Variants in TBXT observed in about 807,000 individuals in gnomAD.
TBXT encodes T-box transcription factor T.
A neutral mutation model predicts 41.1 loss-of-function variants in TBXT; 19 were observed. The ratio of observed to expected loss-of-function variants is 0.46; its 90% CI spans 0.32 to 0.68. The LOEUF (loss-of-function observed/expected upper bound fraction) is 0.68, where lower values mean the gene tolerates loss of function less well. Among genes scored for constraint, TBXT ranks in the 30% least tolerant of loss-of-function variants. The probability of loss-of-function intolerance (pLI) is 0.03; values close to 1 mark genes in which losing one functional copy is unlikely to be tolerated. For synonymous variants in TBXT, 213 were observed against 238.9 expected (o/e 0.89, Z 1.00); for missense variants, 536 against 582.0 (o/e 0.92, Z 0.81).
At position 166,164,841 on chromosome 6, in the gene TBXT, C is replaced by T. The variant is rs1032674215; in HGVS notation, c.627G>A (p.Lys209=). The T allele has an allele frequency of 2.5e-6, 4 of 1,612,574 alleles. No homozygotes were observed. The highest frequency in any genetic ancestry group is 3.4e-6 in the Non-Finnish European group (4 of 1,179,926). Residue 209 remains lysine (K), a synonymous_variant, in exon 4 of 8, where the codon AAG becomes AAA. Transcript: ENST00000366876. ...GGAAAGCTTTTGCAAATGGATTGTA[C>T]TTAATTTTAAGAGCTGTGATCTGAA... The part of the protein sequence containing the change: ...QNEEITALKI[K]YNPFAKAFLD...
chr6:166,158,538 G>A lies in TBXT; in HGVS notation c.1088C>T (p.Ser363Phe). 1 of 1,599,330 alleles carries A rather than the reference G, an allele frequency of 6.3e-7. No individual in the cohort carries two copies. Among genetic ancestry groups the A allele is most frequent in the Non-Finnish European group, 8.6e-7 (1 of 1,169,336 alleles). Residue 363 changes from serine (S) to phenylalanine (F), a missense_variant, in exon 8 of 8, where the codon TCC becomes TTC. Coordinates refer to ENST00000366876, the MANE Select transcript of TBXT (RefSeq NM_001366285.2). ...CCCGTTGGACACGGCTGCTGCCTGG[G>A]AGCCCGGGGTGACGGCGCCGTTGCT... ...SVSNGAVTPG[S>F]QAAAVSNGLG...
rs1582965694 is a variant in TBXT at position 166,160,976 on chromosome 6, G to A, written c.908-10C>T. 1.9e-6 allele frequency: 3 copies of A among 1,613,692 alleles called. No individual in the cohort carries two copies. Among genetic ancestry groups the A allele is most frequent in the East Asian group, 4.5e-5 (2 of 44,876 alleles). On this transcript the variant is annotated splice_polypyrimidine_tract_variant and intron_variant, in intron 6 of 7. Coordinates refer to ENST00000366876, the MANE Select transcript of TBXT (RefSeq NM_001366285.2). ...GAGTTGTCAGAATAGGCTAAGGGGG[G>A]AAGGTAACAAAGTGCAATTATAGAT...
intron 2 of TBXT, 146 bp downstream of exon 2, chr6:166,166,446 G>A: frequency 4.7e-6 from 6 of 1,270,346 alleles, no homozygotes; most frequent in Non-Finnish European, 5.6e-6. Context: ...AGCGCTAAAG[G>A]CCTTATTAGA....
At chr6:166,161,121 C>T (rs562094015) in intron 6 of TBXT, among the ~76,000 whole-genome samples, 155 bp from the exon 7 acceptor site, 2 of 152,308 alleles carry the variant, frequency 1.3e-5, no homozygotes, top group Non-Finnish European at 2.9e-5. Context: ...AGTCTATTTA[C>T]ATGGTTATCA....
intron 6 of TBXT, 111 bp from the exon 7 acceptor site, chr6:166,161,077 T>C: frequency 7.2e-7 from 1 of 1,380,102 alleles, no homozygotes. Context: ...AAACAAAATG[T>C]ACATGGGATA....
chr6:166,166,228 T>G (rs1034968470), intron 2 of TBXT, among the ~76,000 whole-genome samples: 1 of 152,200 alleles, frequency 6.6e-6, no homozygotes, highest in African/African-American at 2.4e-5. Flanking sequence ...AAAGCACGAC[T>G]TTACAAGTTT....
rs909517558 is a variant in TBXT at position 166,166,537 on chromosome 6, C to T, written c.471+55G>A. The T allele has an allele frequency of 1.7e-5, 27 of 1,611,390 alleles. No individual in the cohort carries two copies. The African/African-American group carries it at 2.5e-4, about 15-fold the overall frequency. ...CTTCCCACAACCCCCGTGCAGAAGGCGCAGCGCGGCCCCCTCCTCGCTGGT... is the reference window on the plus strand; with the variant it reads ...CTTCCCACAACCCCCGTGCAGAAGGTGCAGCGCGGCCCCCTCCTCGCTGGT... On this transcript the variant is annotated intron_variant, in intron 2 of 7. Transcript: ENST00000366876.
chr6:166,166,836 T>A lies in TBXT; in HGVS notation c.227A>T (p.Lys76Met). The change falls in exon 2 of 8, where the codon AAG (lysine) becomes ATG (methionine). Residue 76 changes from lysine (K) to methionine (M), a missense_variant. Coordinates refer to ENST00000366876, the MANE Select transcript of TBXT (RefSeq NM_001366285.2). ...GGGGTCCAGGCCAGACACGTTCACCTTCAGCACCGGAAACATCCTCCTGGA... is the reference window on the plus strand; with the variant it reads ...GGGGTCCAGGCCAGACACGTTCACCATCAGCACCGGAAACATCCTCCTGGA... ...KNGRRMFPVLKVNVSGLDPNA... is the reference protein window; with the variant it reads ...KNGRRMFPVLMVNVSGLDPNA... 6.2e-7 allele frequency: 1 copy of A among 1,613,798 alleles called. No individual in the cohort carries two copies. The highest frequency in any genetic ancestry group is 1.1e-5 in the South Asian group (1 of 91,084).
At position 166,165,953 on chromosome 6, in the gene TBXT, C is replaced by T. The variant is rs1053982865; in HGVS notation, c.472-113G>A. ...TCTGGATCCCAAGAAAGTGTCTCTG[C>T]TGTTGAGGGAAGTGGGGTTCCACCA... On this transcript the variant is annotated intron_variant, in intron 2 of 7. Transcript: ENST00000366876. The T allele has an allele frequency of 2.0e-6, 3 of 1,518,210 alleles. No individual in the cohort carries two copies. The Admixed American group carries it at 5.0e-5, about 25-fold the overall frequency. The allele number at this position is 1,518,210 out of a possible 1,614,324, so 94.0% of individuals were successfully genotyped here. A position where few individuals can be genotyped will look rare whatever the true frequency, so the allele number is the denominator to read the frequency against.
rs534228470 is a variant in TBXT, at chr6:166,167,526, G to T, written c.66C>A (p.Ser22Arg). 52 of 1,602,634 alleles carry T rather than the reference G, an allele frequency of 3.2e-5. No individual in the cohort carries two copies. The highest frequency in any genetic ancestry group is 4.3e-5 in the Non-Finnish European group (51 of 1,178,372). ...CCGCCTGCAGCTCATTCTCCACGGC[G>T]CTCAGCAGGTGGTCCACTCGGTACT... Reference protein sequence around the residue: ...SLQYRVDHLLSAVENELQAGS... With the variant: ...SLQYRVDHLLRAVENELQAGS... The change falls in exon 1 of 8, where the codon AGC becomes AGA. Residue 22 changes from serine (S) to arginine (R), a missense_variant. Coordinates refer to ENST00000366876, the MANE Select transcript of TBXT (RefSeq NM_001366285.2).
upstream of TBXT, chr6:166,167,997 C>G (rs573467531): frequency 6.7e-4 from 180 of 267,736 alleles, no homozygotes; most frequent in Admixed American, 9.0e-4. Flanking sequence ...CCGGGCGGGT[C>G]TGGGAGGCCG....
At chr6:166,165,571 G>T in intron 3 of TBXT, 135 bp downstream of exon 3, 1 of 1,381,988 alleles carries the variant, frequency 7.2e-7, no homozygotes, top group Non-Finnish European at 1.0e-6. Context: ...TCAAGTTCCG[G>T]AATATTATTT....
rs1779157149 is a variant in TBXT at position 166,167,448 on chromosome 6, C to G, written c.144G>C (p.Glu48Asp). 3 of 1,613,002 alleles carry G rather than the reference C, an allele frequency of 1.9e-6. No individual in the cohort carries two copies. Among genetic ancestry groups the G allele is most frequent in the Non-Finnish European group, 2.5e-6 (3 of 1,179,966 alleles). Residue 48 changes from glutamate to aspartate, a missense_variant, in exon 1 of 8, where the codon GAG (glutamate) becomes GAC (aspartate). By Grantham distance (45) the Glu-to-Asp change is conservative (BLOSUM62 2). Transcript: ENST00000366876. ...TERELRVGLE[E>D]SELWLRFKEL... ...CCTTGAAGCGCAGCCACAGCTCGCTCTCCTCCAGGCCCACGCGCAGTTCGC... is the reference window on the plus strand; with the variant it reads ...CCTTGAAGCGCAGCCACAGCTCGCTGTCCTCCAGGCCCACGCGCAGTTCGC...
In TBXT at chr6:166,157,923, T is replaced by C; in HGVS notation, c.*392A>G. The C allele has an allele frequency of 3.0e-6, 1 of 331,400 alleles. No individual in the cohort carries two copies. The highest frequency in any genetic ancestry group is 3.0e-5 in the South Asian group (1 of 32,832). 20.5% of individuals were successfully genotyped at this position (331,400 alleles called of 1,614,324 possible). On this transcript the variant is annotated 3_prime_UTR_variant, in exon 8 of 8. Transcript: ENST00000366876. ...AGGAAGAAGATTAAGAGTGTGCTTT[T>C]TATCTCACTAAAGTAGGACTGGTGG... is the stretch of plus-strand genomic sequence containing the variant.
At chr6:166,165,914 G>T in intron 2 of TBXT, 74 bp from the exon 3 acceptor site, 1 of 1,602,498 alleles carries the variant, frequency 6.2e-7, no homozygotes, top group Non-Finnish European at 8.5e-7. Context: ...ATTTCTCCAG[G>T]ATGCAGAAAG....
At chr6:166,168,069 GC>G (rs1701937984), upstream of TBXT, among the ~76,000 whole-genome samples, 1 of 151,966 alleles carries the variant, frequency 6.6e-6, no homozygotes, top group Non-Finnish European at 1.5e-5. Flanking sequence ...AGCCCTGCGA[GC>G]CCCGGCCCAG....
chr6:166,163,733 C>T (rs1432238356), intron 5 of TBXT, among the ~76,000 whole-genome samples: 1 of 152,204 alleles, frequency 6.6e-6, no homozygotes, highest in Non-Finnish European at 1.5e-5. Context: ...AAAGCAACCC[C>T]TAGCGGGACA....
chr6:166,167,993 G>C (rs978643707), upstream of TBXT: 6 of 270,974 alleles, frequency 2.2e-5, no homozygotes, highest in Non-Finnish European at 3.6e-5. Context: ...CCAGCCGGGC[G>C]GGTCTGGGAG....
upstream of TBXT, among the ~76,000 whole-genome samples, chr6:166,168,142 C>G (rs1285763090): frequency 2.0e-5 from 3 of 152,002 alleles, no homozygotes; most frequent in Non-Finnish European, 2.9e-5. Flanking sequence ...GGGCAAGCCC[C>G]GGAGGAAGGT....
Sources: gnomAD v4.1 joint callset for allele counts (sites outside exome capture counted in the v4.1 genomes callset) on GRCh38, gnomAD v4.1.1 for gene constraint, MANE v1.5 for transcripts, NCBI Gene and HGNC (gene_info 2026-07-23, HGNC 2026-07-21) for gene names.